PTGFRN: variants seen among roughly 807,000 people sequenced by gnomAD.
PTGFRN encodes prostaglandin F2 receptor inhibitor, also known as prostaglandin F2 receptor negative regulator.
A neutral mutation model predicts 83.2 loss-of-function variants in PTGFRN; 35 were observed. The observed-to-expected ratio is 0.42, with a 90% CI of 0.32 to 0.56. The LOEUF (loss-of-function observed/expected upper bound fraction) is 0.56, where lower values mean the gene tolerates loss of function less well. Among genes scored for constraint, PTGFRN ranks in the 20% least tolerant of loss-of-function variants. The probability of loss-of-function intolerance (pLI) is 0.11; values close to 1 mark genes in which losing one functional copy is unlikely to be tolerated. For synonymous variants in PTGFRN, 519 were observed against 498.6 expected (o/e 1.04, Z -0.55); for missense variants, 1,051 against 1,179.5 (o/e 0.89, Z 1.60).
At chr1:116,974,382 C>A in intron 7 of PTGFRN, 59 bp downstream of exon 7, 1 of 1,292,280 alleles carries the variant, frequency 7.7e-7, no homozygotes, top group Non-Finnish European at 1.1e-6. Context: ...TTTCTCATAT[C>A]ATCCGCACTG....
rs780572463 is a variant in PTGFRN, at chr1:116,984,937, G to A, written c.2425G>A (p.Glu809Lys). 3.7e-6 allele frequency: 6 copies of A among 1,614,070 alleles called. No homozygotes were observed. Among genetic ancestry groups the A allele is most frequent in the Admixed American group, 1.7e-5 (1 of 59,996 alleles). Residue 809 changes from glutamate (E) to lysine (K), a missense_variant, in exon 8 of 9, where the codon GAG becomes AAG. By Grantham distance (56) the Glu-to-Lys change is moderately conservative. Transcript: ENST00000393203. The stretch of plus-strand genomic sequence containing the variant: ...GTCACCAACAGGTTCCTGGCAGAAG[G>A]AGGCAGAGATCCACTCCAAGCCCGT... ...VKSPTGSWQKEAEIHSKPVFI... is the reference protein window; with the variant it reads ...VKSPTGSWQKKAEIHSKPVFI...
At chr1:116,945,422 T>G (rs1650173148) in intron 3 of PTGFRN, among the ~76,000 whole-genome samples, 4 of 152,160 alleles carry the variant, frequency 2.6e-5, no homozygotes, top group Admixed American at 2.6e-4. Context: ...CCAGATTAGG[T>G]AGGACTTGGT....
chr1:116,974,829 C>T (rs1489958580), intron 7 of PTGFRN, among the ~76,000 whole-genome samples: 1 of 152,154 alleles, frequency 6.6e-6, no homozygotes, highest in Non-Finnish European at 1.5e-5. Context: ...TCTGCATTTC[C>T]AACTGAGGTA....
At position 116,967,209 on chromosome 1, in the gene PTGFRN, G is replaced by A; in HGVS notation, c.1938G>A (p.Gln646=). ...DEFRYRMYQT[Q]VSDAGLYRCM... ...TCCGCTATCGAATGTACCAGACTCA[G>A]GTCTCAGACGCAGGGCTGTACCGCT... The change falls in exon 6 of 9, where the codon CAG becomes CAA. Residue 646 remains glutamine, a synonymous_variant. Transcript: ENST00000393203. The A allele has an allele frequency of 6.2e-7, 1 of 1,614,208 alleles. No homozygotes were observed.
intron 6 of PTGFRN, among the ~76,000 whole-genome samples, chr1:116,968,836 A>G (rs544425024): frequency 1.3e-5 from 2 of 152,226 alleles, no homozygotes; most frequent in Admixed American, 6.5e-5. Context: ...TTTTTCACTT[A>G]GCATAATGTT....
At chr1:116,932,643 T>A (rs573773029) in intron 1 of PTGFRN, among the ~76,000 whole-genome samples, 8 of 152,340 alleles carry the variant, frequency 5.3e-5, no homozygotes, top group African/African-American at 1.9e-4. Flanking sequence ...TCTGTCTACT[T>A]CACATTGAAA....
intron 5 of PTGFRN, among the ~76,000 whole-genome samples, chr1:116,964,156 T>C (rs1330188400): frequency 2.0e-5 from 3 of 152,182 alleles, no homozygotes; most frequent in Non-Finnish European, 4.4e-5. Context: ...TGTCTACTTA[T>C]TACTTTTTCC....
Position 116,949,387 on chromosome 1 carries a change from C to T in PTGFRN, c.1028C>T (p.Ser343Leu), listed in dbSNP as rs201175251. Residue 343 changes from serine (S) to leucine (L), a missense_variant, in exon 4 of 9, where the codon TCG (serine) becomes TTG (leucine). By Grantham distance (145) the Ser-to-Leu change is moderately radical (BLOSUM62 -2). This residue lies in a region of PTGFRN where 719 missense variants were observed against 836.6 expected (regional missense o/e 0.86). Transcript: ENST00000393203. ...GACCGTGATTCCCTGGTGCACAGCT[C>T]GCCTCATGTTGCTTTGAGTCATGTG... ...RLDRDSLVHSSPHVALSHVDA... is the reference protein window; with the variant it reads ...RLDRDSLVHSLPHVALSHVDA... The T allele has an allele frequency of 1.3e-4, 215 of 1,614,252 alleles. No homozygotes were observed. The highest frequency in any genetic ancestry group is 7.1e-4 in the South Asian group (65 of 91,084).
intron 8 of PTGFRN, among the ~76,000 whole-genome samples, chr1:116,985,335 G>T (rs1651434014): frequency 6.6e-6 from 1 of 152,154 alleles, no homozygotes; most frequent in Non-Finnish European, 1.5e-5. Flanking sequence ...TGAGAGAGAG[G>T]GCTCAGGTCA....
At chr1:116,937,748 C>G (rs929731936) in intron 1 of PTGFRN, among the ~76,000 whole-genome samples, 3 of 152,140 alleles carry the variant, frequency 2.0e-5, no homozygotes, top group African/African-American at 7.2e-5. Flanking sequence ...AAGATTAACA[C>G]ATTAGGAAAT....
chr1:116,955,751 G>T (rs1438926126), intron 4 of PTGFRN, among the ~76,000 whole-genome samples: 1 of 152,178 alleles, frequency 6.6e-6, no homozygotes, highest in Non-Finnish European at 1.5e-5. Context: ...TATGTACAAG[G>T]CACTGCATGC....
At chr1:116,934,516 G>T (rs927321567) in intron 1 of PTGFRN, among the ~76,000 whole-genome samples, 16 of 151,584 alleles carry the variant, frequency 1.1e-4, no homozygotes, top group Non-Finnish European at 1.8e-4. Context: ...TTCGGATATT[G>T]TATTTTTTTT....
At chr1:116,983,601 A>C (rs1283957931) in intron 7 of PTGFRN, among the ~76,000 whole-genome samples, 1 of 151,926 alleles carries the variant, frequency 6.6e-6, no homozygotes, top group East Asian at 1.9e-4. Flanking sequence ...AGGAAGAATT[A>C]TCATTTGGAT....
intron 8 of PTGFRN, among the ~76,000 whole-genome samples, chr1:116,985,707 C>CA (rs34050341): frequency 0.12 from 15,585 of 128,712 alleles, 1,198 homozygotes; most frequent in African/African-American, 0.23. Context: ...TACTCCATCT[C>CA]AAAAAAAAAA....
At chr1:116,913,814 T>C (rs1649334442) in intron 1 of PTGFRN, among the ~76,000 whole-genome samples, 1 of 152,188 alleles carries the variant, frequency 6.6e-6, no homozygotes, top group African/African-American at 2.4e-5. Flanking sequence ...GACAGGGTAA[T>C]GTGTTGAGGA....
chr1:116,965,651 C>G (rs1348936384), intron 5 of PTGFRN, among the ~76,000 whole-genome samples: 1 of 152,164 alleles, frequency 6.6e-6, no homozygotes, highest in African/African-American at 2.4e-5. Flanking sequence ...ACGGTTGTGG[C>G]ACACACACCT....
chr1:116,946,566 T>C (rs535217033), intron 3 of PTGFRN, among the ~76,000 whole-genome samples: 1 of 152,318 alleles, frequency 6.6e-6, no homozygotes, highest in African/African-American at 2.4e-5. Flanking sequence ...ACATTTTTTG[T>C]TTCAAACACA....
chr1:116,944,711 G>A lies in PTGFRN; in HGVS notation c.451G>A (p.Ala151Thr), dbSNP rs1351699575. 2 of 1,421,878 alleles carry A rather than the reference G, an allele frequency of 1.4e-6. No individual in the cohort carries two copies. Among genetic ancestry groups the A allele is most frequent in the African/African-American group, 1.5e-5 (1 of 66,476 alleles). The allele number at this position is 1,421,878 out of a possible 1,614,324, so 88.1% of individuals were successfully genotyped here. The change falls in exon 3 of 9, where the codon GCG becomes ACG. Residue 151 changes from alanine to threonine, a missense_variant. By Grantham distance (58) the Ala-to-Thr change is moderately conservative (BLOSUM62 0). Coordinates refer to ENST00000393203, the MANE Select transcript of PTGFRN (RefSeq NM_020440.4). ...LADSLHVGPS[A>T]RPPPSLSLRE... is the part of the protein sequence containing the mutation. ...CGACTCCCTGCACGTGGGCCCCAGC[G>A]CGCGGCCCCCGCCGAGCCTGAGCCT...
At chr1:116,947,895 T>C (rs1001379800) in intron 3 of PTGFRN, among the ~76,000 whole-genome samples, 1 of 152,188 alleles carries the variant, frequency 6.6e-6, no homozygotes, top group Non-Finnish European at 1.5e-5. Context: ...AAATTGAACT[T>C]TTAAATTGCC....
Sources: allele counts gnomAD v4.1 joint callset (sites outside exome capture counted in the v4.1 genomes callset), GRCh38; gene constraint gnomAD v4.1.1; regional missense constraint gnomAD v4.1.1; transcripts MANE v1.5; gene names NCBI Gene and HGNC (gene_info 2026-07-23, HGNC 2026-07-21).